Variants in MACROD2 observed in about 807,000 individuals in gnomAD.
MACROD2 encodes the protein mono-ADP ribosylhydrolase 2, also known as ADP-ribose glycohydrolase MACROD2.
In MACROD2, 36 loss-of-function variants were observed where a neutral mutation model predicts 70.4. The ratio of observed to expected loss-of-function variants is 0.51; its 90% CI spans 0.39 to 0.68. MACROD2 has a LOEUF of 0.68. Among genes scored for constraint, MACROD2 ranks in the 30% least tolerant of loss-of-function variants. The pLI, the probability that MACROD2 is intolerant of heterozygous loss-of-function variation, is 0.00. For synonymous variants in MACROD2, 172 were observed against 178.8 expected, an observed-to-expected ratio of 0.96 and a Z score of 0.30; for missense variants, 496 against 538.4, an observed-to-expected ratio of 0.92 and a Z score of 0.78.
intron 5 of MACROD2, among the ~76,000 whole-genome samples, chr20:15,102,032 G>A (rs559379311): frequency 3.8e-4 from 58 of 151,976 alleles, no homozygotes; most frequent in Non-Finnish European, 7.2e-4. Flanking sequence ...ATAAGGTAAA[G>A]CACAAACAAA....
At chr20:15,421,922 C>T (rs776194994) in intron 6 of MACROD2, among the ~76,000 whole-genome samples, 30 of 152,192 alleles carry the variant, frequency 2.0e-4, no homozygotes, top group Non-Finnish European at 2.9e-4. Context: ...AGGAAGACCT[C>T]TTCGAGGAGG....
intron 8 of MACROD2, among the ~76,000 whole-genome samples, chr20:15,785,011 G>C (rs1329293789): frequency 1.3e-5 from 2 of 151,760 alleles, no homozygotes; most frequent in African/African-American, 4.8e-5. Flanking sequence ...AATTAGCCGG[G>C]CATGGTGGCG....
chr20:15,639,602 A>G (rs1010236881), intron 8 of MACROD2, among the ~76,000 whole-genome samples: 2 of 152,174 alleles, frequency 1.3e-5, no homozygotes, highest in African/African-American at 4.8e-5. Context: ...TCCTGTTCAT[A>G]GTAGACCAGC....
At chr20:15,610,730 C>T (rs2048955526) in intron 8 of MACROD2, among the ~76,000 whole-genome samples, 1 of 152,178 alleles carries the variant, frequency 6.6e-6, no homozygotes, top group South Asian at 2.1e-4. Flanking sequence ...TCTGCATTTA[C>T]CGTGTGCTTT....
intron 6 of MACROD2, among the ~76,000 whole-genome samples, chr20:15,340,379 A>G (rs2078098245): frequency 6.6e-6 from 1 of 151,422 alleles, no homozygotes; most frequent in Non-Finnish European, 1.5e-5. Context: ...CTCATGATCC[A>G]TCCGCCTCGG....
chr20:15,829,765 G>A (rs1275991579), intron 8 of MACROD2, among the ~76,000 whole-genome samples: 3 of 152,112 alleles, frequency 2.0e-5, no homozygotes, highest in African/African-American at 7.2e-5. Flanking sequence ...GGCAAGCAGT[G>A]GACATAACAG....
intron 6 of MACROD2, among the ~76,000 whole-genome samples, chr20:15,313,607 T>C (rs2077777398): frequency 6.6e-6 from 1 of 152,054 alleles, no homozygotes. Flanking sequence ...GAATCCCTCC[T>C]AGTGCTCTCA....
chr20:15,099,095 A>G (rs1204799086), intron 5 of MACROD2, among the ~76,000 whole-genome samples: 2 of 152,232 alleles, frequency 1.3e-5, no homozygotes, highest in Admixed American at 6.5e-5. Flanking sequence ...GAACTGGAAC[A>G]TGGACATCCA....
intron 5 of MACROD2, among the ~76,000 whole-genome samples, chr20:14,954,961 T>G (rs1269832076): frequency 1.8e-4 from 2 of 11,388 alleles, no homozygotes; most frequent in Non-Finnish European, 3.4e-4. Flanking sequence ...TTATATATAA[T>G]TTATATTTTA....
At chr20:15,212,095 C>T (rs956266343) in intron 5 of MACROD2, among the ~76,000 whole-genome samples, 5 of 152,160 alleles carry the variant, frequency 3.3e-5, no homozygotes, top group East Asian at 3.9e-4. Flanking sequence ...TTTGCATTTC[C>T]GGAAGAACTA....
chr20:15,798,894 C>G (rs183418452), intron 8 of MACROD2, among the ~76,000 whole-genome samples: 1 of 152,280 alleles, frequency 6.6e-6, no homozygotes, highest in East Asian at 1.9e-4. Context: ...GTCAGCCAGA[C>G]AGTATTGATT....
chr20:14,052,549 C>T (rs1017937007), intron 2 of MACROD2, among the ~76,000 whole-genome samples: 5 of 152,146 alleles, frequency 3.3e-5, no homozygotes, highest in African/African-American at 7.2e-5. Flanking sequence ...CAATGCTGTG[C>T]GTTTTAATTA....
At chr20:14,323,609 C>T (rs924227985) in intron 3 of MACROD2, 1 of 152,126 alleles carries the variant, frequency 6.6e-6, no homozygotes, top group Non-Finnish European at 1.5e-5. Flanking sequence ...ATAATCATGT[C>T]TTGGTCTTTT....
intron 3 of MACROD2, among the ~76,000 whole-genome samples, chr20:14,269,208 A>G (rs1320745560): frequency 6.6e-6 from 1 of 152,206 alleles, no homozygotes; most frequent in African/African-American, 2.4e-5. Context: ...AGATCAACCA[A>G]CAGGAGACAG....
chr20:15,653,039 GATA>G (rs2049669478), intron 8 of MACROD2, among the ~76,000 whole-genome samples: 1 of 152,098 alleles, frequency 6.6e-6, no homozygotes, highest in African/African-American at 2.4e-5. Flanking sequence ...AGATCTAAAA[GATA>G]ATACATTAGA....
At chr20:15,865,494 C>G (rs767261047) in intron 9 of MACROD2, among the ~76,000 whole-genome samples, 3 of 152,164 alleles carry the variant, frequency 2.0e-5, no homozygotes, top group Non-Finnish European at 4.4e-5. Flanking sequence ...TTCATGATAA[C>G]TCTAAGAAAG....
intron 5 of MACROD2, among the ~76,000 whole-genome samples, chr20:14,779,235 A>G (rs145991701): frequency 1.2e-4 from 18 of 152,174 alleles, no homozygotes; most frequent in Middle Eastern, 3.4e-3. Flanking sequence ...CCCTTCGTCA[A>G]TCAGAATTGT....
In MACROD2 at chr20:15,095,509, TTTTTG is replaced by T. The variant is rs200934218; in HGVS notation, c.419-134411_419-134407del. On this transcript the variant is annotated intron_variant, in intron 5 of 17. Coordinates refer to ENST00000684519, the MANE Select transcript of MACROD2 (RefSeq NM_001351661.2). ...TATAGTTTTTTGTTTTGTTTTGTGT[TTTTTG>T]TTTTGTTTTGTTTTGTTTTTTGAGA... Among the ~76,000 whole-genome samples the T allele has an allele frequency of 3.7e-3, 557 of 152,078 alleles. 21 individuals are homozygous for T. The East Asian group carries it at 0.08, about 22-fold the overall frequency.
intron 13 of MACROD2, among the ~76,000 whole-genome samples, chr20:15,979,785 T>C (rs2066368647): frequency 6.6e-6 from 1 of 152,056 alleles, no homozygotes; most frequent in Non-Finnish European, 1.5e-5. Flanking sequence ...TACTAGATAA[T>C]CAACCTAAAA....
Sources: allele counts gnomAD v4.1 joint callset (sites outside exome capture counted in the v4.1 genomes callset), GRCh38; gene constraint gnomAD v4.1.1; transcripts MANE v1.5; gene names NCBI Gene and HGNC (gene_info 2026-07-23, HGNC 2026-07-21).